CBR4: variants seen among roughly 807,000 people sequenced by gnomAD.
CBR4 encodes the protein carbonyl reductase 4.
Under a neutral mutation model 21.0 loss-of-function variants are expected in CBR4, and 22 were observed. That is an observed-to-expected ratio of 1.05 (90% CI 0.75 to 1.50). The LOEUF (loss-of-function observed/expected upper bound fraction) is 1.50. CBR4 is among the 40% of genes most tolerant of loss of function. The pLI, the probability that CBR4 is intolerant of heterozygous loss-of-function variation, is 0.00. For synonymous variants in CBR4, 100 were observed against 104.4 expected, an observed-to-expected ratio of 0.96 and a Z score of 0.26; for missense variants, 302 against 286.3, an observed-to-expected ratio of 1.05 and a Z score of -0.40.
At chr4:168,898,480 T>C (rs1259672146) in intron 2 of CBR4, 2 of 1,585,546 alleles carry the variant, frequency 1.3e-6, no homozygotes, top group African/African-American at 2.7e-5. Context: ...AACTTAAACT[T>C]TCCTTGATTC....
chr4:168,900,923 C>T (rs1756376780), intron 2 of CBR4, among the ~76,000 whole-genome samples: 1 of 152,158 alleles, frequency 6.6e-6, no homozygotes, highest in Admixed American at 6.5e-5. Context: ...AAACCTTACA[C>T]AAGGCTTAAG....
chr4:168,984,349 G>T (rs1662771316), downstream of CBR4, among the ~76,000 whole-genome samples: 1 of 151,964 alleles, frequency 6.6e-6, no homozygotes, highest in African/African-American at 2.4e-5. Flanking sequence ...GCTAACCAGA[G>T]AGGTAAAGCA....
chr4:169,010,019 C>G lies in CBR4; in HGVS notation c.71G>C (p.Arg24Pro). ...AATGACCGCCAGTCGGTAGCCTTTCCGGGCCATTAACTGGGCCACAGCTCT... is the reference window on the plus strand; with the variant it reads ...AATGACCGCCAGTCGGTAGCCTTTCGGGGCCATTAACTGGGCCACAGCTCT... ...IGRAVAQLMA[R>P]KGYRLAVIAR... The change falls in exon 1 of 5, where the codon CGG becomes CCG. Residue 24 changes from arginine to proline, a missense_variant. Arg to Pro is a moderately radical substitution (Grantham distance 103, BLOSUM62 -2). Coordinates refer to ENST00000306193, the MANE Select transcript of CBR4 (RefSeq NM_032783.5). 6.2e-7 allele frequency: 1 copy of G among 1,613,856 alleles called. No homozygotes were observed. The highest frequency in any genetic ancestry group is 1.1e-5 in the South Asian group (1 of 91,010).
At chr4:168,895,106 G>A (rs28730365) in intron 2 of CBR4, among the ~76,000 whole-genome samples, 1,720 of 152,226 alleles carry the variant, frequency 0.011, 49 homozygotes, top group African/African-American at 0.039. Flanking sequence ...ACATATGGCC[G>A]GGCACAGTGG....
At chr4:168,912,670 T>C (rs1005902634) in intron 2 of CBR4, among the ~76,000 whole-genome samples, 7 of 152,236 alleles carry the variant, frequency 4.6e-5, no homozygotes, top group Non-Finnish European at 7.3e-5. Flanking sequence ...ATACAACGTA[T>C]AATGTTCAAA....
At position 168,922,108 on chromosome 4, in the gene CBR4, C is replaced by T. The variant is rs1468752553; in HGVS notation, n.170-27343G>A. Reference sequence around the variant, plus strand: ...ATTTATATATATATATATATACACACACACACACACACACACACACACACA... The same window carrying T: ...ATTTATATATATATATATATACACATACACACACACACACACACACACACA... On this transcript the variant is annotated intron_variant and non_coding_transcript_variant, in intron 2 of 3. Transcript: ENST00000509108. Among the ~76,000 whole-genome samples, 5 of 35,438 alleles carry T rather than the reference C, an allele frequency of 1.4e-4. No individual in the cohort carries two copies. In the South Asian group the frequency reaches 5.5e-3, roughly 39 times the overall value. 23.2% of individuals were successfully genotyped at this position (35,438 alleles called of 152,430 possible).
At chr4:168,974,139 T>C (rs954504264) in intron 2 of CBR4, among the ~76,000 whole-genome samples, 2 of 152,228 alleles carry the variant, frequency 1.3e-5, no homozygotes, top group African/African-American at 4.8e-5. Flanking sequence ...TCGCTCAGCA[T>C]TTCTTTGTCT....
downstream of CBR4, among the ~76,000 whole-genome samples, chr4:168,986,616 T>C (rs535860240): frequency 1.3e-5 from 2 of 152,240 alleles, no homozygotes; most frequent in South Asian, 2.1e-4. Context: ...AATAAATAAA[T>C]ATTTCGTGAA....
In CBR4 at chr4:168,922,085, TTATATA is replaced by T. The variant is rs149658107; in HGVS notation, n.170-27326_170-27321del. Among the ~76,000 whole-genome samples the T allele has an allele frequency of 5.8e-3, 775 of 134,310 alleles. 16 individuals carry two copies. The highest frequency in any genetic ancestry group is 0.02 in the African/African-American group (723 of 35,624). The allele number at this position is 134,310 out of a possible 152,430, so 88.1% of individuals were successfully genotyped here. A position where few individuals can be genotyped will look rare whatever the true frequency, so the allele number is the denominator to read the frequency against. On this transcript the variant is annotated intron_variant and non_coding_transcript_variant, in intron 2 of 3. Transcript: ENST00000509108. ...TTTGCTTATATATAAAGTTTTATAT[TTATATA>T]TATATATATATACACACACACACAC...
At chr4:169,002,278 A>T in intron 3 of CBR4, 73 bp from the exon 4 acceptor site, 1 of 1,308,370 alleles carries the variant, frequency 7.6e-7, no homozygotes, top group Non-Finnish European at 9.9e-7. Context: ...GAAAATTTAG[A>T]TAATTTATAG....
chr4:169,008,920 A>G (rs1579037439), intron 1 of CBR4: 2 of 451,480 alleles, frequency 4.4e-6, no homozygotes. Context: ...CAAACCGATC[A>G]ATAATGTTAA....
At chr4:168,903,491 A>G (rs1756986014) in intron 2 of CBR4, among the ~76,000 whole-genome samples, 1 of 152,204 alleles carries the variant, frequency 6.6e-6, no homozygotes, top group African/African-American at 2.4e-5. Context: ...AATTCAATAT[A>G]TCCCTTCATA....
At chr4:168,994,076 C>T (rs542455867) in intron 4 of CBR4, among the ~76,000 whole-genome samples, 8 of 152,156 alleles carry the variant, frequency 5.3e-5, no homozygotes, top group Non-Finnish European at 8.8e-5. Flanking sequence ...AGGGGTCTCA[C>T]GGCCTTCAGA....
chr4:168,975,129 G>A lies in CBR4; in HGVS notation n.169+26942C>T, dbSNP rs1387740500. 5.9e-5 allele frequency among the ~76,000 whole-genome samples: 9 copies of A among 152,286 alleles called. No individual in the cohort carries two copies. The East Asian group carries it at 1.7e-3, about 29-fold the overall frequency. On this transcript the variant is annotated intron_variant and non_coding_transcript_variant, in intron 2 of 3. Transcript: ENST00000509108. Reference sequence around the variant, plus strand: ...ATGTGGTTCTCTCCCCCTTCCTCTAGGAATGGGGCTTCCTGAGAGCCAGAC... The same window carrying A: ...ATGTGGTTCTCTCCCCCTTCCTCTAAGAATGGGGCTTCCTGAGAGCCAGAC...
At chr4:168,959,565 T>C (rs13121872) in intron 2 of CBR4, among the ~76,000 whole-genome samples, 361 of 11,912 alleles carry the variant, frequency 0.03, 27 homozygotes, top group East Asian at 0.085. Context: ...CAATTTCTTT[T>C]TTTTTTTTTT....
rs549122236 is a variant in CBR4 at position 169,002,379 on chromosome 4, A to C, written c.401-174T>G. ...ATCAGTCATTTACGGAAGATTTAAGAGTCCAAGTCTGCTCCAGATACATAC... is the reference window on the plus strand; with the variant it reads ...ATCAGTCATTTACGGAAGATTTAAGCGTCCAAGTCTGCTCCAGATACATAC... On this transcript the variant is annotated intron_variant, in intron 3 of 4. Coordinates refer to ENST00000306193, the MANE Select transcript of CBR4 (RefSeq NM_032783.5). 8.4e-4 allele frequency among the ~76,000 whole-genome samples: 128 copies of C among 152,348 alleles called. 4 individuals are homozygous for C. In the South Asian group the frequency reaches 0.026, roughly 31 times the overall value.
intron 2 of CBR4, among the ~76,000 whole-genome samples, chr4:168,976,820 G>A (rs1336304697): frequency 6.6e-6 from 1 of 152,226 alleles, no homozygotes; most frequent in Admixed American, 6.5e-5. Flanking sequence ...ATGGTGGAAT[G>A]TCATCAGTTA....
chr4:168,943,453 T>C (rs938634546), intron 2 of CBR4, among the ~76,000 whole-genome samples: 1 of 152,204 alleles, frequency 6.6e-6, no homozygotes, highest in Non-Finnish European at 1.5e-5. Context: ...TCAACATACA[T>C]TATAGTCATG....
In CBR4 at chr4:168,988,065, T is replaced by C; in HGVS notation, c.*2085A>G. The C allele has an allele frequency of 1.0e-6, 1 of 985,286 alleles. No individual in the cohort carries two copies. Among genetic ancestry groups the C allele is most frequent in the African/African-American group, 1.7e-5 (1 of 57,362 alleles). 61.0% of individuals were successfully genotyped at this position (985,286 alleles called of 1,614,324 possible). ...ATTCAATGCTTCTCAGAATAGCAGA[T>C]TTTAAAAAATGAATTCACTGAGGTT... is the stretch of plus-strand genomic sequence containing the variant. On this transcript the variant is annotated 3_prime_UTR_variant, in exon 5 of 5. Transcript: ENST00000306193.
Sources: gnomAD v4.1 joint callset for allele counts (sites outside exome capture counted in the v4.1 genomes callset) on GRCh38, gnomAD v4.1.1 for gene constraint, MANE v1.5 for transcripts, NCBI Gene and HGNC (gene_info 2026-07-23, HGNC 2026-07-21) for gene names.